ZNF626: variants seen among roughly 807,000 people sequenced by gnomAD.
The protein encoded by ZNF626 is CTC-513N18.7.
Under a neutral mutation model 11.7 loss-of-function variants are expected in ZNF626, and 4 were observed. That is an observed-to-expected ratio of 0.34 (90% CI 0.17 to 0.78). The LOEUF (loss-of-function observed/expected upper bound fraction) is 0.78, where lower values mean the gene tolerates loss of function less well. ZNF626 is among the 30% of genes least tolerant of loss of function. The pLI, the probability that ZNF626 is intolerant of heterozygous loss-of-function variation, is 0.57. For synonymous variants in ZNF626, 179 were observed against 198.6 expected (o/e 0.90, Z 0.83); for missense variants, 588 against 587.1 (o/e 1.00, Z -0.01).
chr19:20,661,546 C>A lies in ZNF626; in HGVS notation c.-100G>T. ...TGGGCCTTTAGGAGAAGAACCAGACCTGGAGCTCTGACTGCAGCGAGAGAC... is the reference window on the plus strand; with the variant it reads ...TGGGCCTTTAGGAGAAGAACCAGACATGGAGCTCTGACTGCAGCGAGAGAC... On this transcript the variant is annotated 5_prime_UTR_variant, in exon 1 of 4. It adds an upstream start codon to the 5' untranslated region. Transcript: ENST00000601440. The A allele has an allele frequency of 1.6e-6, 2 of 1,278,970 alleles. No individual in the cohort carries two copies. Among genetic ancestry groups the A allele is most frequent in the East Asian group, 4.8e-5 (2 of 42,022 alleles). 79.2% of individuals were successfully genotyped at this position (1,278,970 alleles called of 1,614,324 possible).
chr19:20,640,152 A>T (rs970959161), intron 3 of ZNF626, among the ~76,000 whole-genome samples: 4 of 151,348 alleles, frequency 2.6e-5, no homozygotes, highest in Non-Finnish European at 4.4e-5. Context: ...TATTTCCTTG[A>T]ATGTTACAAA....
At chr19:20,647,137 A>G (rs1074991) in intron 1 of ZNF626, among the ~76,000 whole-genome samples, 49,738 of 152,026 alleles carry the variant, frequency 0.33, 9,639 homozygotes, top group African/African-American at 0.53. Context: ...GAGAAACCAC[A>G]CCTGGCCAAT....
intron 1 of ZNF626, among the ~76,000 whole-genome samples, chr19:20,659,328 C>T (rs571322289): frequency 6.6e-6 from 1 of 152,260 alleles, no homozygotes; most frequent in East Asian, 1.9e-4. Context: ...CAACCTCTGT[C>T]TCCATGGTTC....
In ZNF626 at chr19:20,623,514, T is replaced by G. The variant is rs1228420199; in HGVS notation, c.*776A>C. The G allele has an allele frequency of 6.5e-6, 1 of 154,906 alleles. No individual in the cohort carries two copies. Among genetic ancestry groups the G allele is most frequent in the Admixed American group, 6.3e-5 (1 of 15,844 alleles). The allele number at this position is 154,906 out of a possible 1,614,324, so 9.6% of individuals were successfully genotyped here. On this transcript the variant is annotated 3_prime_UTR_variant, in exon 4 of 4. Transcript: ENST00000601440. ...ACCATGTCTCTTAATAGTAAGAACT[T>G]GTGGCCAGGCATGGTGGCTCATGCC...
chr19:20,640,498 T>C (rs1248325860), intron 3 of ZNF626, among the ~76,000 whole-genome samples: 7 of 151,100 alleles, frequency 4.6e-5, no homozygotes, highest in African/African-American at 1.7e-4. Context: ...ATATTACATG[T>C]GACAGAAATT....
At chr19:20,650,467 T>G (rs1970134521) in intron 1 of ZNF626, among the ~76,000 whole-genome samples, 1 of 152,214 alleles carries the variant, frequency 6.6e-6, no homozygotes, top group Non-Finnish European at 1.5e-5. Context: ...ACTAAGACCC[T>G]ATAACACATA....
At chr19:20,632,893 GT>G (rs1164220248) in intron 3 of ZNF626, among the ~76,000 whole-genome samples, 2 of 152,096 alleles carry the variant, frequency 1.3e-5, no homozygotes, top group South Asian at 4.1e-4. Context: ...TTTCTGCTCT[GT>G]TTTTTTCCCA....
At chr19:20,651,964 C>T in intron 1 of ZNF626, among the ~76,000 whole-genome samples, 1 of 152,122 alleles carries the variant, frequency 6.6e-6, no homozygotes, top group South Asian at 2.1e-4. Flanking sequence ...TCATCAGATT[C>T]TATTTCCTTC....
At chr19:20,651,503 T>C (rs1568461608) in intron 1 of ZNF626, among the ~76,000 whole-genome samples, 1 of 152,136 alleles carries the variant, frequency 6.6e-6, no homozygotes, top group Non-Finnish European at 1.5e-5. Flanking sequence ...ACCAGGAAAC[T>C]GGAGAAACTC....
In ZNF626 at chr19:20,623,237, T is replaced by C. The variant is rs1253178977; in HGVS notation, c.*1053A>G. On this transcript the variant is annotated 3_prime_UTR_variant, in exon 4 of 4. Coordinates refer to ENST00000601440, the MANE Select transcript of ZNF626 (RefSeq NM_001076675.3). ...TTTGTACAATTTTTCTCAAGGATAATAGCTTTCCTGCAAAATAAGATGTAC... is the reference window on the plus strand; with the variant it reads ...TTTGTACAATTTTTCTCAAGGATAACAGCTTTCCTGCAAAATAAGATGTAC... 6.6e-6 allele frequency: 1 copy of C among 152,294 alleles called. No individual in the cohort carries two copies. The highest frequency in any genetic ancestry group is 1.5e-5 in the Non-Finnish European group (1 of 68,020). 9.4% of individuals were successfully genotyped at this position (152,294 alleles called of 1,614,324 possible).
intron 3 of ZNF626, among the ~76,000 whole-genome samples, chr19:20,627,590 A>G (rs1555769912): frequency 1.3e-5 from 2 of 152,016 alleles, no homozygotes; most frequent in African/African-American, 4.8e-5. Flanking sequence ...TTTCTCTTTC[A>G]GAAAACCATT....
At chr19:20,628,122 T>A (rs1400103312) in intron 3 of ZNF626, among the ~76,000 whole-genome samples, 1 of 152,194 alleles carries the variant, frequency 6.6e-6, no homozygotes, top group Admixed American at 6.5e-5. Flanking sequence ...TCATTTTTTA[T>A]GGCTGCATAG....
At chr19:20,628,865 T>C (rs1190945172) in intron 3 of ZNF626, among the ~76,000 whole-genome samples, 4 of 152,232 alleles carry the variant, frequency 2.6e-5, no homozygotes, top group South Asian at 4.1e-4. Flanking sequence ...CCCATGCCTA[T>C]GTCCTGAATG....
intron 3 of ZNF626, among the ~76,000 whole-genome samples, chr19:20,628,737 G>C (rs2144767030): frequency 6.6e-6 from 1 of 152,248 alleles, no homozygotes; most frequent in Middle Eastern, 3.4e-3. Flanking sequence ...TAGGTTGCCT[G>C]TTCACTCTGA....
At chr19:20,638,098 C>T (rs1234460248) in intron 3 of ZNF626, among the ~76,000 whole-genome samples, 4 of 152,028 alleles carry the variant, frequency 2.6e-5, no homozygotes, top group African/African-American at 9.7e-5. Flanking sequence ...ACATGCAAAT[C>T]AGCCTGGTTG....
In ZNF626 at chr19:20,659,886, C is replaced by T. The variant is rs144725382; in HGVS notation, c.3+1558G>A. ...CTTTCCAAGGCTTTGTAGCTTCTTTCAGAATGAAGGCTCCTTCCGTGGCTG... is the reference window on the plus strand; with the variant it reads ...CTTTCCAAGGCTTTGTAGCTTCTTTTAGAATGAAGGCTCCTTCCGTGGCTG... On this transcript the variant is annotated intron_variant, in intron 1 of 3. Transcript: ENST00000601440. 5.4e-4 allele frequency among the ~76,000 whole-genome samples: 82 copies of T among 152,162 alleles called. 1 individual carries two copies. The East Asian group carries it at 0.011, about 21-fold the overall frequency.
rs782584486 is a variant in ZNF626 at position 20,624,944 on chromosome 19, T to G, written c.933A>C (p.Lys311Asn). ...TGTCACATTCTTCACATTTGTAGGG[T>G]TTTTCTCCAGTATGAATTATCTTAT... ...TTHKIIHTGE[K>N]PYKCEECDKA... Residue 311 changes from lysine (K) to asparagine (N), a missense_variant, in exon 4 of 4, where the codon AAA (lysine) becomes AAC (asparagine). Physicochemically the swap from Lys to Asn is moderately conservative, Grantham distance 94. Around this residue, in one of 4 missense-constraint regions of ZNF626, gnomAD observed 524 missense variants for 470.1 expected, o/e 1.11. Coordinates refer to ENST00000601440, the MANE Select transcript of ZNF626 (RefSeq NM_001076675.3). 6.2e-7 allele frequency: 1 copy of G among 1,613,752 alleles called. No individual in the cohort carries two copies. The highest frequency in any genetic ancestry group is 2.2e-5 in the East Asian group (1 of 44,846).
At chr19:20,653,338 C>T (rs1970168075) in intron 1 of ZNF626, among the ~76,000 whole-genome samples, 1 of 152,120 alleles carries the variant, frequency 6.6e-6, no homozygotes, top group Admixed American at 6.6e-5. Context: ...ATGCATCAGT[C>T]AATCTGCTTA....
chr19:20,637,620 T>G (rs943687415), intron 3 of ZNF626, among the ~76,000 whole-genome samples: 1 of 152,076 alleles, frequency 6.6e-6, no homozygotes. Flanking sequence ...AAACATATTG[T>G]TTTAACTTTA....
Sources: gnomAD v4.1 joint callset for allele counts (sites outside exome capture counted in the v4.1 genomes callset) on GRCh38, gnomAD v4.1.1 for gene constraint, gnomAD v4.1.1 regional missense constraint, MANE v1.5 for transcripts, NCBI Gene and HGNC (gene_info 2026-07-23, HGNC 2026-07-21) for gene names.